The following TXNDC15 variants were observed in gnomAD, a reference collection of about 807,000 sequenced individuals.
TXNDC15 encodes thioredoxin domain-containing protein 15.
TXNDC15 carries 24 observed loss-of-function variants against 35.0 expected under a neutral mutation model. That is an observed-to-expected ratio of 0.68 (90% CI 0.50 to 0.96). The LOEUF (loss-of-function observed/expected upper bound fraction) is 0.96. TXNDC15 is among the 40% of genes least tolerant of loss of function. TXNDC15 has a pLI of 0.00. For missense variants in TXNDC15, 385 were observed against 453.3 expected, an observed-to-expected ratio of 0.85 and a Z score of 1.37; for synonymous variants, 169 against 174.0, an observed-to-expected ratio of 0.97 and a Z score of 0.23.
At chr5:134,893,452 C>T (rs768943037) in intron 2 of TXNDC15, 40 bp from the exon 3 acceptor site, 1 of 1,609,950 alleles carries the variant, frequency 6.2e-7, no homozygotes, top group African/African-American at 1.3e-5. Flanking sequence ...GAAAAATGTA[C>T]TTTTACTGCT....
At chr5:134,876,479 TC>T (rs1269672116) in intron 1 of TXNDC15, among the ~76,000 whole-genome samples, 5 of 152,194 alleles carry the variant, frequency 3.3e-5, no homozygotes, top group Non-Finnish European at 1.5e-5. Flanking sequence ...AACTGGCTCC[TC>T]CTCTACTGTT....
At chr5:134,875,149 C>T (rs957702742) in intron 1 of TXNDC15, 5 of 456,094 alleles carry the variant, frequency 1.1e-5, no homozygotes, top group Non-Finnish European at 2.2e-5. Context: ...GAAAAACAGA[C>T]GAGAAACACG....
chr5:134,888,970 G>A (rs1253766552), intron 2 of TXNDC15, among the ~76,000 whole-genome samples: 1 of 152,172 alleles, frequency 6.6e-6, no homozygotes, highest in Admixed American at 6.5e-5. Flanking sequence ...CAGAAGGGTA[G>A]GATGCATTCA....
In TXNDC15 at chr5:134,887,794, C is replaced by T. The variant is rs764634537; in HGVS notation, c.203C>T (p.Pro68Leu). Reference sequence around the variant, plus strand: ...GGTGAGGAGGAGCTCCTGCATGACCCGATGGGCCAGGACAGGGCAGCAGAA... The same window carrying T: ...GGTGAGGAGGAGCTCCTGCATGACCTGATGGGCCAGGACAGGGCAGCAGAA... ...YLGEEELLHD[P>L]MGQDRAAEEA... Residue 68 changes from proline (P) to leucine (L), a missense_variant, in exon 2 of 5, where the codon CCG becomes CTG. Physicochemically the swap from Pro to Leu is moderately conservative, Grantham distance 98 (BLOSUM62 -3). Coordinates refer to ENST00000358387, the MANE Select transcript of TXNDC15 (RefSeq NM_024715.4). The T allele has an allele frequency of 2.3e-5, 37 of 1,614,106 alleles. No homozygotes were observed. Among genetic ancestry groups the T allele is most frequent in the African/African-American group, 6.7e-5 (5 of 75,026 alleles).
At chr5:134,878,388 T>C (rs1750080735) in intron 1 of TXNDC15, among the ~76,000 whole-genome samples, 1 of 152,222 alleles carries the variant, frequency 6.6e-6, no homozygotes, top group Non-Finnish European at 1.5e-5. Context: ...TTTTCTACAT[T>C]TTGGTGGTAT....
chr5:134,893,793 A>G, intron 3 of TXNDC15, 138 bp downstream of exon 3: 1 of 1,143,246 alleles, frequency 8.7e-7, no homozygotes, highest in Non-Finnish European at 1.3e-6. Flanking sequence ...GGCAAGAGTG[A>G]ATAGTGAGGA....
chr5:134,874,751 T>C (rs1363739018), intron 1 of TXNDC15, among the ~76,000 whole-genome samples: 1 of 152,166 alleles, frequency 6.6e-6, no homozygotes. Flanking sequence ...CCGGGGGTGG[T>C]TGGGCCGCGT....
upstream of TXNDC15, chr5:134,874,349 A>C: frequency 7.8e-7 from 1 of 1,280,670 alleles, no homozygotes. Context: ...CCGCGCTCCC[A>C]GGCTCTCCTC....
chr5:134,880,990 G>A (rs911245000), intron 1 of TXNDC15, among the ~76,000 whole-genome samples: 16 of 151,854 alleles, frequency 1.1e-4, no homozygotes, highest in African/African-American at 3.9e-4. Flanking sequence ...TTTTCACCAA[G>A]TTTGGAAAGT....
At chr5:134,881,199 A>ATTTATTTATTT (rs1469910084) in intron 1 of TXNDC15, among the ~76,000 whole-genome samples, 1 of 132,460 alleles carries the variant, frequency 7.5e-6, no homozygotes, top group Non-Finnish European at 1.6e-5. Context: ...TTATTTATTT[A>ATTTATTTATTT]TTTTTTTATT....
chr5:134,882,526 A>T (rs1412585936), intron 1 of TXNDC15, among the ~76,000 whole-genome samples: 1 of 152,334 alleles, frequency 6.6e-6, no homozygotes, highest in African/African-American at 2.4e-5. Flanking sequence ...AGCCGAGATC[A>T]CGCCACTGCA....
intron 1 of TXNDC15, among the ~76,000 whole-genome samples, chr5:134,877,935 G>A (rs1414203943): frequency 1.3e-5 from 2 of 152,100 alleles, no homozygotes; most frequent in Admixed American, 1.3e-4. Flanking sequence ...ACTACACCCC[G>A]GCTAATTTTT....
At chr5:134,877,411 A>G (rs1750054330) in intron 1 of TXNDC15, among the ~76,000 whole-genome samples, 1 of 152,150 alleles carries the variant, frequency 6.6e-6, no homozygotes, top group South Asian at 2.1e-4. Flanking sequence ...ACATGATCAG[A>G]TATGCCTTTT....
Position 134,899,756 on chromosome 5 carries a change from ACATT to A in TXNDC15, c.*72_*75del, listed in dbSNP as rs2150192151. 1 of 1,301,752 alleles carries A rather than the reference ACATT, an allele frequency of 7.7e-7. No individual in the cohort carries two copies. The highest frequency in any genetic ancestry group is 2.5e-5 in the East Asian group (1 of 40,808). 80.6% of individuals were successfully genotyped at this position (1,301,752 alleles called of 1,614,324 possible). On this transcript the variant is annotated 3_prime_UTR_variant, in exon 5 of 5. Transcript: ENST00000358387. ...TCAGAAATTAGTGCTACAGTTTCAT[ACATT>A]TTCTCCAGTGACGTGTTGACTTGAA...
chr5:134,881,883 AG>A (rs1320700589), intron 1 of TXNDC15, among the ~76,000 whole-genome samples: 1 of 140,908 alleles, frequency 7.1e-6, no homozygotes, highest in East Asian at 2.3e-4. Context: ...ACTTCCCAGT[AG>A]GGGCGGCCGG....
rs1750566795 is a variant in TXNDC15, at chr5:134,899,864, T to C, written c.*179T>C. On this transcript the variant is annotated 3_prime_UTR_variant, in exon 5 of 5. Coordinates refer to ENST00000358387, the MANE Select transcript of TXNDC15 (RefSeq NM_024715.4). ...TTATAAACTGGTGTTTTAACTAGTA[T>C]TGCAATAAGCAAATGCAAAAATATT... 3.7e-6 allele frequency: 2 copies of C among 542,052 alleles called. No homozygotes were observed. Among genetic ancestry groups the C allele is most frequent in the Non-Finnish European group, 6.3e-6 (2 of 318,648 alleles). The allele number at this position is 542,052 out of a possible 1,614,324, so 33.6% of individuals were successfully genotyped here.
chr5:134,886,219 T>G (rs183153814), intron 1 of TXNDC15, among the ~76,000 whole-genome samples: 43 of 152,374 alleles, frequency 2.8e-4, no homozygotes, highest in African/African-American at 1.0e-3. Context: ...TACAGGGATA[T>G]TCTTTGAAAT....
intron 4 of TXNDC15, among the ~76,000 whole-genome samples, chr5:134,896,798 C>T (rs1463393680): frequency 3.3e-5 from 5 of 151,880 alleles, no homozygotes; most frequent in African/African-American, 1.2e-4. Context: ...CGCCCGCCAC[C>T]ATACCCGGCT....
intron 3 of TXNDC15, among the ~76,000 whole-genome samples, chr5:134,894,520 A>G (rs1028265358): frequency 6.6e-6 from 1 of 151,656 alleles, no homozygotes; most frequent in African/African-American, 2.4e-5. Context: ...AGCACCTGCC[A>G]CCATGCCGGC....
Sources: allele counts gnomAD v4.1 joint callset (sites outside exome capture counted in the v4.1 genomes callset), GRCh38; gene constraint gnomAD v4.1.1; transcripts MANE v1.5; gene names NCBI Gene and HGNC (gene_info 2026-07-23, HGNC 2026-07-21).